Variants in FSIP2 observed in about 807,000 individuals in gnomAD.
The protein encoded by FSIP2 is fibrous sheath interacting protein 2, also known as fibrous sheath-interacting protein 2.
A neutral mutation model predicts 510.5 loss-of-function variants in FSIP2; 367 were observed. That is an observed-to-expected ratio of 0.72 (90% CI 0.66 to 0.78). The LOEUF (loss-of-function observed/expected upper bound fraction) is 0.78, where lower values mean the gene tolerates loss of function less well. Among genes scored for constraint, FSIP2 ranks in the 30% least tolerant of loss-of-function variants. The pLI, the probability that FSIP2 is intolerant of heterozygous loss-of-function variation, is 0.00. For missense variants in FSIP2, 7,594 were observed against 7,901.7 expected (o/e 0.96, Z 1.48); for synonymous variants, 2,601 against 2,732.2 (o/e 0.95, Z 1.50).
In FSIP2 at chr2:185,807,786, T is replaced by C. The variant is rs1431723570; in HGVS notation, c.18480T>C (p.Thr6160=). The stretch of plus-strand genomic sequence containing the variant: ...AGATCCTTAAAGATGTTTTCCAAAC[T>C]ACTGATGTGCCCCTACCTAAACCTT... ...VEKILKDVFQ[T]TDVPLPKPSH... Residue 6160 remains threonine (T), a synonymous_variant, in exon 17 of 23, where the codon ACT becomes ACC. Transcript: ENST00000424728. 1 of 1,612,558 alleles carries C rather than the reference T, an allele frequency of 6.2e-7. No homozygotes were observed. The highest frequency in any genetic ancestry group is 1.3e-5 in the African/African-American group (1 of 74,828).
In FSIP2 at chr2:185,804,723, A is replaced by G. The variant is rs1408301436; in HGVS notation, c.15417A>G (p.Leu5139=). 6.5e-7 allele frequency: 1 copy of G among 1,530,376 alleles called. No individual in the cohort carries two copies. Among genetic ancestry groups the G allele is most frequent in the Non-Finnish European group, 8.7e-7 (1 of 1,144,282 alleles). 94.8% of individuals were successfully genotyped at this position (1,530,376 alleles called of 1,614,324 possible). Residue 5139 remains leucine, a synonymous_variant, in exon 17 of 23, where the codon CTA becomes CTG. Transcript: ENST00000424728. ...CTTCAACTCACACTGAAAATGAACT[A>G]AAAGAGAAAAAGTTTCCACCGGATG... ...VFPSTHTENE[L]KEKKFPPDDE...
In FSIP2 at chr2:185,789,106, C is replaced by CA. The variant is rs1210518426; in HGVS notation, c.1977dup (p.Ser660IlefsTer2). On this transcript the variant is annotated frameshift_variant, in exon 16 of 23. Transcript: ENST00000424728. LOFTEE classifies it high-confidence loss of function. Reference sequence around the variant, plus strand: ...CTTTTAGCATCATTTGAAACAGGCACAAAAAAATCTAAGGATGCTACCACT... The same window carrying CA: ...CTTTTAGCATCATTTGAAACAGGCACAAAAAAAATCTAAGGATGCTACCACT... 6 of 1,534,798 alleles carry CA rather than the reference C, an allele frequency of 3.9e-6. No individual in the cohort carries two copies. Among genetic ancestry groups the CA allele is most frequent in the South Asian group, 3.6e-5 (3 of 84,026 alleles).
rs1693298374 is a variant in FSIP2 at position 185,796,907 on chromosome 2, C to G, written c.9771C>G (p.Thr3257=). The G allele has an allele frequency of 6.5e-7, 1 of 1,534,790 alleles. No homozygotes were observed. Among genetic ancestry groups the G allele is most frequent in the Non-Finnish European group, 8.7e-7 (1 of 1,146,238 alleles). The change falls in exon 16 of 23, where the codon ACC becomes ACG. Residue 3257 remains threonine (T), a synonymous_variant. Coordinates refer to ENST00000424728, the MANE Select transcript of FSIP2 (RefSeq NM_173651.4). ...RESNFGSFDQ[T]MKGNSYLPEG... ...CTAACTTTGGTAGTTTTGATCAGAC[C>G]ATGAAAGGAAATAGCTACCTCCCTG...
At chr2:185,740,780 T>C (rs867680416) in intron 2 of FSIP2, among the ~76,000 whole-genome samples, 1 of 152,076 alleles carries the variant, frequency 6.6e-6, no homozygotes, top group African/African-American at 2.4e-5. Context: ...GTGGTCTCTA[T>C]AGGAACATTA....
chr2:185,744,397 T>G lies in FSIP2; in HGVS notation c.463T>G (p.Tyr155Asp). 1 of 1,061,176 alleles carries G rather than the reference T, an allele frequency of 9.4e-7. No individual in the cohort carries two copies. The highest frequency in any genetic ancestry group is 1.3e-6 in the Non-Finnish European group (1 of 781,450). 65.7% of individuals were successfully genotyped at this position (1,061,176 alleles called of 1,614,324 possible). Residue 155 changes from tyrosine (Y) to aspartate (D), a missense_variant, in exon 4 of 23, where the codon TAT becomes GAT. Physicochemically the swap from Tyr to Asp is radical, Grantham distance 160. Coordinates refer to ENST00000424728, the MANE Select transcript of FSIP2 (RefSeq NM_173651.4). ...TSLKLDFERN[Y>D]IKEQRILAKQ... ...TTTAAAATTAGACTTTGAGAGAAAC[T>G]ATATAAAAGAACAAGTAAGTTAAAT...
intron 20 of FSIP2, among the ~76,000 whole-genome samples, chr2:185,826,855 G>A (rs1032194210): frequency 4.0e-5 from 6 of 151,728 alleles, no homozygotes; most frequent in Admixed American, 2.0e-4. Flanking sequence ...GAGATGTCAC[G>A]TAAGCAATTG....
Position 185,792,118 on chromosome 2 carries a change from C to G in FSIP2, c.4982C>G (p.Thr1661Ser). 6.5e-7 allele frequency: 1 copy of G among 1,533,776 alleles called. No homozygotes were observed. The highest frequency in any genetic ancestry group is 2.4e-5 in the East Asian group (1 of 40,832). ...GTTATTCAAACAGAATTAAATGTGACCTCATCAGATTTGAAGACAAGTGTA... is the reference window on the plus strand; with the variant it reads ...GTTATTCAAACAGAATTAAATGTGAGCTCATCAGATTTGAAGACAAGTGTA... ...LKVIQTELNV[T>S]SSDLKTSVEN... The change falls in exon 16 of 23, where the codon ACC becomes AGC. Residue 1661 changes from threonine to serine, a missense_variant. Coordinates refer to ENST00000424728, the MANE Select transcript of FSIP2 (RefSeq NM_173651.4).
chr2:185,802,461 T>A lies in FSIP2; in HGVS notation c.13155T>A (p.His4385Gln). 1 of 1,533,778 alleles carries A rather than the reference T, an allele frequency of 6.5e-7. No homozygotes were observed. The highest frequency in any genetic ancestry group is 2.4e-5 in the East Asian group (1 of 40,842). ...TTTATAGAAATGCTTTAAAGCAGCA[T>A]GGGCTAGACCTTGCTGTTGATAAAG... ...TSVYRNALKQ[H>Q]GLDLAVDKES... The change falls in exon 17 of 23, where the codon CAT becomes CAA. Residue 4385 changes from histidine to glutamine, a missense_variant. Coordinates refer to ENST00000424728, the MANE Select transcript of FSIP2 (RefSeq NM_173651.4).
At chr2:185,817,272 G>A (rs1255175961) in intron 19 of FSIP2, among the ~76,000 whole-genome samples, 3 of 152,020 alleles carry the variant, frequency 2.0e-5, no homozygotes, top group Non-Finnish European at 4.4e-5. Context: ...AGGCAATGGT[G>A]TTATAGTTTG....
intron 14 of FSIP2, chr2:185,783,903 T>C (rs1692907977): frequency 1.3e-5 from 2 of 152,182 alleles, no homozygotes; most frequent in Non-Finnish European, 2.9e-5. Context: ...TTGGATATTG[T>C]TTCATTAAAA....
intron 22 of FSIP2, 124 bp from the exon 23 acceptor site, chr2:185,832,966 G>T: frequency 1.4e-6 from 1 of 717,906 alleles, no homozygotes; most frequent in Non-Finnish European, 2.4e-6. Flanking sequence ...GATGCCATGA[G>T]AGTCAGAAAG....
rs940056933 is a variant in FSIP2 at position 185,763,269 on chromosome 2, T to C, written c.1327T>C (p.Leu443=). The change falls in exon 12 of 23, where the codon TTG becomes CTG. Residue 443 remains leucine, a synonymous_variant. Transcript: ENST00000424728. ...TTTTTCCAGAGTTTCACAGGCATTTTTGGATCCTTCAAAAGAAGAGGTATA... is the reference window on the plus strand; with the variant it reads ...TTTTTCCAGAGTTTCACAGGCATTTCTGGATCCTTCAAAAGAAGAGGTATA... ...RNFSRVSQAF[L]DPSKEEKETN... is the part of the protein sequence containing the mutation. The C allele has an allele frequency of 6.7e-7, 1 of 1,481,984 alleles. No homozygotes were observed. The highest frequency in any genetic ancestry group is 1.4e-5 in the African/African-American group (1 of 71,726). The allele number at this position is 1,481,984 out of a possible 1,614,324, so 91.8% of individuals were successfully genotyped here.
chr2:185,797,662 C>T (rs1693323765), intron 16 of FSIP2, 136 bp downstream of exon 16: 1 of 761,710 alleles, frequency 1.3e-6, no homozygotes, highest in African/African-American at 1.8e-5. Flanking sequence ...TAGATGACTA[C>T]TGAGTTGCAC....
rs189691409 is a variant in FSIP2, at chr2:185,778,546, T to G, written c.1412-4159T>G. Among the ~76,000 whole-genome samples the G allele has an allele frequency of 1.3e-3, 204 of 152,130 alleles. 1 individual carries two copies. Among genetic ancestry groups the G allele is most frequent in the Middle Eastern group, 6.8e-3 (2 of 294 alleles). On this transcript the variant is annotated intron_variant, in intron 13 of 22. Transcript: ENST00000424728. ...GTGCTCCTGGCTTAGTTATTCTAAT[T>G]TTTACTTTATTTTTGTTGGTGGTCA...
At chr2:185,786,220 G>A (rs920892320) in intron 14 of FSIP2, 32 bp from the exon 15 acceptor site, 4 of 1,448,662 alleles carry the variant, frequency 2.8e-6, no homozygotes, top group South Asian at 1.3e-5. Flanking sequence ...TTGACTCTAT[G>A]TAATAACTAA....
At chr2:185,745,599 G>C (rs1692013372) in intron 5 of FSIP2, 31 bp downstream of exon 5, 7 of 1,514,498 alleles carry the variant, frequency 4.6e-6, no homozygotes, top group Non-Finnish European at 6.2e-6. Context: ...TATTTTATGG[G>C]TATGTTGTGG....
Position 185,796,113 on chromosome 2 carries a change from G to A in FSIP2, c.8977G>A (p.Val2993Ile). The A allele has an allele frequency of 9.1e-6, 14 of 1,534,438 alleles. No individual in the cohort carries two copies. Among genetic ancestry groups the A allele is most frequent in the Non-Finnish European group, 1.2e-5 (14 of 1,146,034 alleles). ...CAGCAACCAAATTGTTCAAGAGATT[G>A]TAGAAACGGTTTTAAACATGTTAGA... ...GSSNQIVQEIVETVLNMLESF... is the reference protein window; with the variant it reads ...GSSNQIVQEIIETVLNMLESF... Residue 2993 changes from valine (V) to isoleucine (I), a missense_variant, in exon 16 of 23, where the codon GTA (valine) becomes ATA (isoleucine). Val to Ile is a conservative substitution (Grantham distance 29). Transcript: ENST00000424728.
At chr2:185,743,064 A>G (rs1691954895) in intron 2 of FSIP2, 69 bp from the exon 3 acceptor site, 3 of 1,034,478 alleles carry the variant, frequency 2.9e-6, no homozygotes, top group Non-Finnish European at 3.9e-6. Context: ...TGAACATTCT[A>G]ATCATTTTGA....
Position 185,738,994 on chromosome 2 carries a change from G to C in FSIP2, c.99+1G>C. On this transcript the variant is annotated splice_donor_variant, in intron 1 of 22. Coordinates refer to ENST00000424728, the MANE Select transcript of FSIP2 (RefSeq NM_173651.4). LOFTEE classifies it high-confidence loss of function. ...CGCGGACACCCAGCAGTGCAGAGAC[G>C]TGAGTGGCCGCAAGCTGGGCGGCGT... The C allele has an allele frequency of 6.5e-7, 1 of 1,531,594 alleles. No homozygotes were observed. Among genetic ancestry groups the C allele is most frequent in the Non-Finnish European group, 8.7e-7 (1 of 1,145,700 alleles). 94.9% of individuals were successfully genotyped at this position (1,531,594 alleles called of 1,614,324 possible). A position where few individuals can be genotyped will look rare whatever the true frequency, so the allele number is the denominator to read the frequency against.
Sources: gnomAD v4.1 joint callset for allele counts (sites outside exome capture counted in the v4.1 genomes callset) on GRCh38, gnomAD v4.1.1 for gene constraint, MANE v1.5 for transcripts, NCBI Gene and HGNC (gene_info 2026-07-23, HGNC 2026-07-21) for gene names.